Variants in CIP2A observed in about 807,000 individuals in gnomAD.
CIP2A encodes cellular inhibitor of PP2A.
CIP2A carries 103 observed loss-of-function variants against 110.9 expected under a neutral mutation model. That is an observed-to-expected ratio of 0.93 (90% CI 0.79 to 1.09). The LOEUF (loss-of-function observed/expected upper bound fraction) is 1.09. Among genes scored for constraint, CIP2A ranks in the 50% least tolerant of loss-of-function variants. CIP2A has a pLI of 0.00. For synonymous variants in CIP2A, 381 were observed against 361.6 expected, an observed-to-expected ratio of 1.05 and a Z score of -0.61; for missense variants, 1,088 against 1,038.4, an observed-to-expected ratio of 1.05 and a Z score of -0.66.
In CIP2A at chr3:108,553,678, G is replaced by A. The variant is rs1937663121; in HGVS notation, c.2377C>T (p.Gln793Ter). 1.3e-6 allele frequency: 2 copies of A among 1,514,402 alleles called. No individual in the cohort carries two copies. Among genetic ancestry groups the A allele is most frequent in the African/African-American group, 1.4e-5 (1 of 72,746 alleles). 93.8% of individuals were successfully genotyped at this position (1,514,402 alleles called of 1,614,324 possible). Residue 793 changes from glutamine (Q) to a stop codon, truncating the protein, a stop_gained, in exon 19 of 21, where the codon CAG becomes TAG. Coordinates refer to ENST00000295746, the MANE Select transcript of CIP2A (RefSeq NM_020890.3). LOFTEE classifies it high-confidence loss of function. Reference sequence around the variant, plus strand: ...AGCTTATGTTCTCTGTCTACTAGCTGATTCTGTACTTCTTTTCTCTGTTCT... The same window carrying A: ...AGCTTATGTTCTCTGTCTACTAGCTAATTCTGTACTTCTTTTCTCTGTTCT... ...KEEQRKEVQN[Q>*]LVDREHKLAN...
Position 108,553,722 on chromosome 3 carries a change from G to A in CIP2A, c.2333C>T (p.Ala778Val), listed in dbSNP as rs1937665226. 1 of 1,466,164 alleles carries A rather than the reference G, an allele frequency of 6.8e-7. No individual in the cohort carries two copies. Among genetic ancestry groups the A allele is most frequent in the Non-Finnish European group, 9.5e-7 (1 of 1,050,898 alleles). 90.8% of individuals were successfully genotyped at this position (1,466,164 alleles called of 1,614,324 possible). The change falls in exon 19 of 21, where the codon GCC becomes GTC. Residue 778 changes from alanine (A) to valine (V), a missense_variant. Transcript: ENST00000295746. Reference sequence around the variant, plus strand: ...CTGTTCTTCTTTCTCTATTAATTGGGCAATACTTCTGAAGTTATTAAAAAA... The same window carrying A: ...CTGTTCTTCTTTCTCTATTAATTGGACAATACTTCTGAAGTTATTAAAAAA... Reference protein sequence around the residue: ...SLKEQNEKSIAQLIEKEEQRK... With the variant: ...SLKEQNEKSIVQLIEKEEQRK...
rs745346037 is a variant in CIP2A, at chr3:108,584,758, C to A, written c.250+307G>T. The A allele has an allele frequency of 9.8e-5, 22 of 225,372 alleles. 1 individual carries two copies. Among genetic ancestry groups the A allele is most frequent in the Non-Finnish European group, 1.7e-4 (20 of 115,918 alleles). 14.0% of individuals were successfully genotyped at this position (225,372 alleles called of 1,614,324 possible). On this transcript the variant is annotated intron_variant, in intron 2 of 20. Coordinates refer to ENST00000295746, the MANE Select transcript of CIP2A (RefSeq NM_020890.3). Reference sequence around the variant, plus strand: ...CACACAAAGAAATATCCCCACCGCCCTGCCCCAAATTGGAGTAGTGACCAC... The same window carrying A: ...CACACAAAGAAATATCCCCACCGCCATGCCCCAAATTGGAGTAGTGACCAC...
chr3:108,555,324 C>T (rs1443914512), intron 17 of CIP2A, among the ~76,000 whole-genome samples: 2 of 152,134 alleles, frequency 1.3e-5, no homozygotes, highest in African/African-American at 4.8e-5. Context: ...AAAGGAAAAT[C>T]CTGAGTTCAC....
intron 12 of CIP2A, among the ~76,000 whole-genome samples, chr3:108,564,059 G>GAAAATATT (rs1311248061): frequency 4.6e-5 from 7 of 152,060 alleles, no homozygotes; most frequent in African/African-American, 1.7e-4. Context: ...TATTAGTGAA[G>GAAAATATT]AAAATATTAA....
rs2107305891 is a variant in CIP2A at position 108,552,336 on chromosome 3, A to C, written c.2445T>G (p.Ile815Met). 6.5e-7 allele frequency: 1 copy of C among 1,544,428 alleles called. No individual in the cohort carries two copies. The highest frequency in any genetic ancestry group is 2.3e-5 in the East Asian group (1 of 43,624). ...HQKTKVQEEK[I>M]KTLQKEREDK... ...CTTCCCTTTCCTTTTGTAAGGTTTT[A>C]ATCTTTTCTTCTTGTACTTTTGTTT... The change falls in exon 20 of 21, where the codon ATT becomes ATG. Residue 815 changes from isoleucine (I) to methionine (M), a missense_variant. By Grantham distance (10) the Ile-to-Met change is conservative (BLOSUM62 1). Coordinates refer to ENST00000295746, the MANE Select transcript of CIP2A (RefSeq NM_020890.3).
At chr3:108,565,240 T>C in intron 12 of CIP2A, 115 bp downstream of exon 12, 1 of 583,448 alleles carries the variant, frequency 1.7e-6, no homozygotes, top group Non-Finnish European at 3.0e-6. Context: ...AACTTTCTTC[T>C]CATTGCCAAT....
intron 17 of CIP2A, among the ~76,000 whole-genome samples, chr3:108,554,702 C>T (rs911441863): frequency 6.6e-6 from 1 of 152,138 alleles, no homozygotes; most frequent in Non-Finnish European, 1.5e-5. Context: ...GTAAAAATTA[C>T]TATGAAATAG....
intron 20 of CIP2A, among the ~76,000 whole-genome samples, chr3:108,551,589 T>C (rs891208158): frequency 6.6e-6 from 1 of 152,044 alleles, no homozygotes; most frequent in Non-Finnish European, 1.5e-5. Flanking sequence ...TACTACACAC[T>C]ACATATTAAA....
chr3:108,574,300 A>G (rs970883503), intron 8 of CIP2A, among the ~76,000 whole-genome samples: 1 of 152,150 alleles, frequency 6.6e-6, no homozygotes, highest in African/African-American at 2.4e-5. Context: ...TTATAATGCA[A>G]TACTACTGTA....
At chr3:108,582,749 G>A (rs1021003253) in intron 3 of CIP2A, among the ~76,000 whole-genome samples, 1 of 152,196 alleles carries the variant, frequency 6.6e-6, no homozygotes, top group Non-Finnish European at 1.5e-5. Flanking sequence ...CAGTTATAAT[G>A]TAGATTTGTT....
intron 9 of CIP2A, 89 bp downstream of exon 9, chr3:108,569,300 C>T: frequency 1.0e-6 from 1 of 963,830 alleles, no homozygotes; most frequent in Non-Finnish European, 1.6e-6. Flanking sequence ...AGTGTATGAA[C>T]TGTAAGTTTA....
At position 108,551,642 on chromosome 3, in the gene CIP2A, T is replaced by C. The variant is rs530032216; in HGVS notation, c.2548-323A>G. Among the ~76,000 whole-genome samples, 187 of 152,154 alleles carry C rather than the reference T, an allele frequency of 1.2e-3. 1 individual carries two copies. The highest frequency in any genetic ancestry group is 6.8e-3 in the Middle Eastern group (2 of 294). ...CACATTAAAGCAGAACCAGAAAAACTGTAAATGTGGTACTAAATTTTATGC... is the reference window on the plus strand; with the variant it reads ...CACATTAAAGCAGAACCAGAAAAACCGTAAATGTGGTACTAAATTTTATGC... On this transcript the variant is annotated intron_variant, in intron 20 of 20. Transcript: ENST00000295746.
intron 8 of CIP2A, among the ~76,000 whole-genome samples, chr3:108,571,859 CT>C (rs1938411284): frequency 6.6e-6 from 1 of 152,086 alleles, no homozygotes; most frequent in African/African-American, 2.4e-5. Context: ...TCTGTAAGTA[CT>C]AAATGAGAGT....
Position 108,565,438 on chromosome 3 carries a change from C to A in CIP2A, c.1432G>T (p.Val478Leu). ...ATCAAATCAAGAGTTTTCAAAATTA[C>A]ATCAGCAGCAAGTTTGCTTTAAAGA... ...DSELCKLAADVILKTLDLINK... is the reference protein window; with the variant it reads ...DSELCKLAADLILKTLDLINK... Residue 478 changes from valine (V) to leucine (L), a missense_variant, in exon 12 of 21, where the codon GTA becomes TTA. By Grantham distance (32) the Val-to-Leu change is conservative (BLOSUM62 1). Coordinates refer to ENST00000295746, the MANE Select transcript of CIP2A (RefSeq NM_020890.3). 3 of 1,586,916 alleles carry A rather than the reference C, an allele frequency of 1.9e-6. No homozygotes were observed. The highest frequency in any genetic ancestry group is 2.6e-6 in the Non-Finnish European group (3 of 1,163,398).
At chr3:108,558,696 G>A (rs551016824) in intron 16 of CIP2A, among the ~76,000 whole-genome samples, 1 of 152,252 alleles carries the variant, frequency 6.6e-6, no homozygotes, top group South Asian at 2.1e-4. Context: ...GGGTAATGAG[G>A]ATATTTTAAC....
intron 8 of CIP2A, among the ~76,000 whole-genome samples, chr3:108,575,970 A>G (rs1332045855): frequency 6.6e-6 from 1 of 151,076 alleles, no homozygotes; most frequent in Non-Finnish European, 1.5e-5. Flanking sequence ...ATATATGTGT[A>G]CATATATATG....
intron 17 of CIP2A, among the ~76,000 whole-genome samples, chr3:108,555,470 A>C (rs534500414): frequency 1.3e-5 from 2 of 152,340 alleles, no homozygotes; most frequent in Admixed American, 6.5e-5. Flanking sequence ...TAGAACTTAA[A>C]GAAAACAACT....
intron 1 of CIP2A, 59 bp from the exon 2 acceptor site, chr3:108,585,271 A>G: frequency 6.8e-7 from 1 of 1,460,136 alleles, no homozygotes; most frequent in Non-Finnish European, 9.2e-7. Flanking sequence ...TCTCTTCTCC[A>G]TTTCAAATAA....
Position 108,569,181 on chromosome 3 carries a change from T to TATATATATATATAC in CIP2A, c.1113+207_1113+208insGTATATATATATAT. Among the ~76,000 whole-genome samples the TATATATATATATAC allele has an allele frequency of 8.8e-4, 51 of 58,232 alleles. 5 individuals carry two copies. Among genetic ancestry groups the TATATATATATATAC allele is most frequent in the Middle Eastern group, 8.8e-3 (1 of 114 alleles). 38.2% of individuals were successfully genotyped at this position (58,232 alleles called of 152,430 possible). ...CTGAAATGAGCACTATATATATATA[T>TATATATATATATAC]ACATACACACTACTCAGTGAAAAAA... On this transcript the variant is annotated intron_variant, in intron 9 of 20. Coordinates refer to ENST00000295746, the MANE Select transcript of CIP2A (RefSeq NM_020890.3).
Sources: allele counts gnomAD v4.1 joint callset (sites outside exome capture counted in the v4.1 genomes callset), GRCh38; gene constraint gnomAD v4.1.1; transcripts MANE v1.5; gene names NCBI Gene and HGNC (gene_info 2026-07-23, HGNC 2026-07-21).